Variants in MATN1 observed in about 807,000 individuals in gnomAD.
MATN1 encodes the protein matrilin-1.
A neutral mutation model predicts 41.3 loss-of-function variants in MATN1; 34 were observed. That is an observed-to-expected ratio of 0.82 (90% confidence interval 0.63 to 1.10). The LOEUF (loss-of-function observed/expected upper bound fraction) is 1.10, where lower values mean the gene tolerates loss of function less well. Ranked by LOEUF, MATN1 falls within the 50% of genes least tolerant of loss-of-function variation. The pLI is 0.00. For synonymous variants in MATN1, 264 were observed against 278.7 expected (o/e 0.95, Z 0.53); for missense variants, 602 against 662.4 (o/e 0.91, Z 1.00).
At chr1:30,713,884 G>A in intron 7 of MATN1, 1 of 590,210 alleles carries the variant, frequency 1.7e-6, no homozygotes, top group Non-Finnish European at 3.0e-6. Flanking sequence ...CTGAGCCAGG[G>A]GAACTGTCTG....
intron 1 of MATN1, among the ~76,000 whole-genome samples, chr1:30,722,529 G>A (rs773534755): frequency 2.2e-4 from 34 of 152,240 alleles, no homozygotes; most frequent in Admixed American, 5.2e-4. Context: ...TCCTGGCTCA[G>A]CCACTCTGTG....
chr1:30,717,020 G>A (rs772944786), intron 3 of MATN1, 105 bp from the exon 4 acceptor site: 360 of 1,294,654 alleles, frequency 2.8e-4, no homozygotes, highest in Non-Finnish European at 3.6e-4. Context: ...TCCAGACTCA[G>A]GGAAACTAAG....
At chr1:30,715,757 A>G in intron 5 of MATN1, 152 bp downstream of exon 5, 1 of 746,504 alleles carries the variant, frequency 1.3e-6, no homozygotes, top group Non-Finnish European at 2.1e-6. Context: ...TCATTGGTAT[A>G]AGAGAGAATT....
intron 1 of MATN1, 103 bp from the exon 2 acceptor site, chr1:30,721,854 C>T (rs967386156): frequency 1.5e-5 from 14 of 907,704 alleles, no homozygotes; most frequent in Middle Eastern, 2.7e-4. Flanking sequence ...TGCGAGGCCT[C>T]GGGCCCAGTA....
At chr1:30,717,865 G>C (rs1020464315) in intron 3 of MATN1, among the ~76,000 whole-genome samples, 1 of 152,124 alleles carries the variant, frequency 6.6e-6, no homozygotes, top group African/African-American at 2.4e-5. Context: ...ATGTTGGCCA[G>C]GATGGTCTCG....
intron 3 of MATN1, among the ~76,000 whole-genome samples, chr1:30,718,040 C>T (rs1018420697): frequency 4.6e-5 from 7 of 152,042 alleles, no homozygotes; most frequent in African/African-American, 1.2e-4. Flanking sequence ...GCCCCAGCTA[C>T]GGCCCCACCC....
Position 30,715,191 on chromosome 1 carries a change from C to T in MATN1, c.1326G>A (p.Gln442=). The T allele has an allele frequency of 6.2e-7, 1 of 1,614,258 alleles. No individual in the cohort carries two copies. Among genetic ancestry groups the T allele is most frequent in the South Asian group, 1.1e-5 (1 of 91,090 alleles). The change falls in exon 6 of 8, where the codon CAG becomes CAA. Residue 442 remains glutamine (Q), a synonymous_variant. Transcript: ENST00000373765. ...TCTTCTTCTGCAACTTCTTGCCTATCTGGTTGATGGTCTTGAAGTCAGCCG... is the reference window on the plus strand; with the variant it reads ...TCTTCTTCTGCAACTTCTTGCCTATTTGGTTGATGGTCTTGAAGTCAGCCG... ...FYTADFKTIN[Q]IGKKLQKKIC...
Position 30,723,468 on chromosome 1 carries a change from G to T in MATN1, c.84C>A (p.Pro28=). 6.6e-7 allele frequency: 1 copy of T among 1,523,100 alleles called. No homozygotes were observed. The highest frequency in any genetic ancestry group is 8.8e-7 in the Non-Finnish European group (1 of 1,135,270). The allele number at this position is 1,523,100 out of a possible 1,614,324, so 94.3% of individuals were successfully genotyped here. A position where few individuals can be genotyped will look rare whatever the true frequency, so the allele number is the denominator to read the frequency against. ...LQALCSPGLA[P]QSRGHLCRTR... is the part of the protein sequence containing the mutation. ...CGCAAGCCCCCTCACCTCTGGACTG[G>T]GGGGCGAGGCCAGGGCTGCACAGGG... The change falls in exon 1 of 8, where the codon CCC becomes CCA. Residue 28 remains proline, a synonymous_variant. Transcript: ENST00000373765.
intron 7 of MATN1, 41 bp downstream of exon 7, chr1:30,714,206 T>A: frequency 2.2e-5 from 30 of 1,353,572 alleles, no homozygotes; most frequent in Non-Finnish European, 2.9e-5. Context: ...AACACTGGCC[T>A]GCGCCCCTCC....
At chr1:30,718,609 C>A in intron 3 of MATN1, 126 bp downstream of exon 3, 1 of 311,398 alleles carries the variant, frequency 3.2e-6, no homozygotes, top group South Asian at 5.0e-5. Flanking sequence ...CGGCCCCGCC[C>A]CTGCCCTGCG....
chr1:30,716,130 AG>A lies in MATN1; in HGVS notation c.985del (p.Leu329TrpfsTer25), dbSNP rs1448771637. The A allele has an allele frequency of 6.2e-7, 1 of 1,614,062 alleles. No homozygotes were observed. The highest frequency in any genetic ancestry group is 8.5e-7 in the Non-Finnish European group (1 of 1,179,998). On this transcript the variant is annotated frameshift_variant, in exon 5 of 8. Coordinates refer to ENST00000373765, the MANE Select transcript of MATN1 (RefSeq NM_002379.3). LOFTEE classifies it high-confidence loss of function. ...YSSSVRQEFPLGRFHTKKDIK... is the reference protein window; with the variant it reads ...YSSSVRQEFPXGRFHTKKDIK... ...GTCCTTCTTGGTGTGGAAGCGACCC[AG>A]GGGGAACTCCTGGCGCACAGAGCTT...
At position 30,721,617 on chromosome 1, in the gene MATN1, C is replaced by A. The variant is rs141343287; in HGVS notation, c.229G>T (p.Ala77Ser). The A allele has an allele frequency of 1.2e-6, 2 of 1,613,532 alleles. No individual in the cohort carries two copies. Among genetic ancestry groups the A allele is most frequent in the Non-Finnish European group, 1.7e-6 (2 of 1,180,034 alleles). Residue 77 changes from alanine to serine, a missense_variant, in exon 2 of 8, where the codon GCC becomes TCC. Transcript: ENST00000373765. ...TAGTTGACCATGCCCACCCGGGTGG[C>A]ATTGGGCCCCACGTCCAGCGACTCG... ...VIESLDVGPN[A>S]TRVGMVNYAS... is the part of the protein sequence containing the mutation.
chr1:30,720,535 G>T (rs1639683112), intron 2 of MATN1: 1 of 152,440 alleles, frequency 6.6e-6, no homozygotes, highest in South Asian at 2.1e-4. Context: ...GTAAAATGGG[G>T]ATACCACCTC....
Position 30,721,688 on chromosome 1 carries a change from C to A in MATN1, c.158G>T (p.Arg53Leu). 6.2e-7 allele frequency: 1 copy of A among 1,613,192 alleles called. No individual in the cohort carries two copies. The highest frequency in any genetic ancestry group is 8.5e-7 in the Non-Finnish European group (1 of 1,180,042). Residue 53 changes from arginine to leucine, a missense_variant, in exon 2 of 8, where the codon CGG becomes CTG. Transcript: ENST00000373765. The stretch of plus-strand genomic sequence containing the variant: ...CTTCACTTTCTCAAATTCAACAGGC[C>A]GAACGCTGCGAGAGCTGTCGACAAC... The part of the protein sequence containing the change: ...VFVVDSSRSV[R>L]PVEFEKVKVF...
chr1:30,718,809 T>C lies in MATN1; in HGVS notation c.590A>G (p.Asp197Gly), dbSNP rs1324019841. 3 of 1,610,176 alleles carry C rather than the reference T, an allele frequency of 1.9e-6. No individual in the cohort carries two copies. Among genetic ancestry groups the C allele is most frequent in the Non-Finnish European group, 8.5e-7 (1 of 1,178,804 alleles). ...GCTCTCCACGTAATCGACGTGTTCG[T>C]CCTGCGGCTCGCTGGCGATCTGCCG... is the stretch of plus-strand genomic sequence containing the variant. ...TLRQIASEPQ[D>G]EHVDYVESYS... is the part of the protein sequence containing the mutation. Residue 197 changes from aspartate (D) to glycine (G), a missense_variant, in exon 3 of 8, where the codon GAC becomes GGC. Transcript: ENST00000373765.
At chr1:30,716,456 T>C (rs952622123) in intron 4 of MATN1, 131 bp from the exon 5 acceptor site, 49 of 959,200 alleles carry the variant, frequency 5.1e-5, no homozygotes, top group Non-Finnish European at 6.4e-5. Flanking sequence ...GAACTGCCTC[T>C]ATAAAGCCAA....
At chr1:30,718,459 C>G (rs992733621) in intron 3 of MATN1, 1 of 164,198 alleles carries the variant, frequency 6.1e-6, no homozygotes, top group African/African-American at 2.7e-5. Flanking sequence ...CTCTCTCCGT[C>G]TCCGCCCCTG....
At chr1:30,719,344 C>T (rs1388703698) in intron 2 of MATN1, 3 of 227,338 alleles carry the variant, frequency 1.3e-5, no homozygotes, top group Admixed American at 5.8e-5. Flanking sequence ...CCGGCCGGGG[C>T]TGGGTGGGGG....
At chr1:30,717,878 C>T (rs920832482) in intron 3 of MATN1, among the ~76,000 whole-genome samples, 4 of 152,176 alleles carry the variant, frequency 2.6e-5, no homozygotes, top group African/African-American at 9.7e-5. Context: ...TGGTCTCGAT[C>T]TCCTGACTTC....
Sources: allele counts gnomAD v4.1 joint callset (sites outside exome capture counted in the v4.1 genomes callset), GRCh38; gene constraint gnomAD v4.1.1; transcripts MANE v1.5; gene names NCBI Gene and HGNC (gene_info 2026-07-23, HGNC 2026-07-21).